The following ANGPT1 variants were observed in gnomAD, a reference collection of about 807,000 sequenced individuals.
ANGPT1 encodes the protein angiopoietin 1.
ANGPT1 carries 17 observed loss-of-function variants against 62.2 expected under a neutral mutation model. The ratio of observed to expected loss-of-function variants is 0.27; its 90% CI spans 0.19 to 0.41. The LOEUF (loss-of-function observed/expected upper bound fraction) is 0.41. Ranked by LOEUF, ANGPT1 falls within the 10% of genes least tolerant of loss-of-function variation. The pLI, the probability that ANGPT1 is intolerant of heterozygous loss-of-function variation, is 1.00. For missense variants in ANGPT1, 478 were observed against 594.9 expected, an observed-to-expected ratio of 0.80 and a Z score of 2.04; for synonymous variants, 199 against 198.9, an observed-to-expected ratio of 1.00 and a Z score of 0.00.
At chr8:107,366,929 T>C (rs1028129027) in intron 1 of ANGPT1, among the ~76,000 whole-genome samples, 3 of 152,084 alleles carry the variant, frequency 2.0e-5, no homozygotes, top group African/African-American at 4.8e-5. Flanking sequence ...GGGAAAGTCA[T>C]ACTGTAAGAA....
chr8:107,431,002 G>T (rs1811170701), intron 1 of ANGPT1, among the ~76,000 whole-genome samples: 1 of 152,136 alleles, frequency 6.6e-6, no homozygotes, highest in Non-Finnish European at 1.5e-5. Flanking sequence ...AAACTTCCTG[G>T]ATTCAAAGCT....
At chr8:107,415,590 G>A (rs1424461001) in intron 1 of ANGPT1, among the ~76,000 whole-genome samples, 1 of 152,124 alleles carries the variant, frequency 6.6e-6, no homozygotes, top group Admixed American at 6.6e-5. Context: ...TGTAATTTAA[G>A]TCTGAAAATA....
chr8:107,331,181 ATACTG>A lies in ANGPT1; in HGVS notation c.575+4964_575+4968del, dbSNP rs1470940071. Among the ~76,000 whole-genome samples the A allele has an allele frequency of 3.9e-5, 6 of 152,252 alleles. No individual in the cohort carries two copies. The South Asian group carries it at 1.2e-3, about 32-fold the overall frequency. On this transcript the variant is annotated intron_variant, in intron 3 of 8. Transcript: ENST00000517746. Reference sequence around the variant, plus strand: ...TAGGCATATTAAGCATTAAATATCAATACTGTATTTTATTGCAATAATTAGTAAGG... The same window carrying A: ...TAGGCATATTAAGCATTAAATATCAATATTTTATTGCAATAATTAGTAAGG...
At chr8:107,288,019 G>A (rs1814183857) in intron 6 of ANGPT1, among the ~76,000 whole-genome samples, 1 of 152,146 alleles carries the variant, frequency 6.6e-6, no homozygotes, top group Non-Finnish European at 1.5e-5. Context: ...TGAGTCATAT[G>A]TGGGGAAACA....
At chr8:107,273,010 A>C (rs1029031818) in intron 7 of ANGPT1, among the ~76,000 whole-genome samples, 2 of 151,908 alleles carry the variant, frequency 1.3e-5, no homozygotes, top group Non-Finnish European at 2.9e-5. Context: ...TGATAGAGTC[A>C]GCTTCCAGTG....
chr8:107,333,409 C>A (rs1223110772), intron 3 of ANGPT1, among the ~76,000 whole-genome samples: 2 of 152,110 alleles, frequency 1.3e-5, no homozygotes, highest in Admixed American at 1.3e-4. Flanking sequence ...AAGATGCATG[C>A]AGGTTTTTGT....
At chr8:107,492,049 GT>G (rs140960967) in intron 1 of ANGPT1, among the ~76,000 whole-genome samples, 1 of 151,904 alleles carries the variant, frequency 6.6e-6, no homozygotes, top group Admixed American at 6.6e-5. Context: ...GTCTGAAAGG[GT>G]TTTTTTTGGA....
At chr8:107,364,292 A>AT (rs767090141) in intron 1 of ANGPT1, among the ~76,000 whole-genome samples, 13 of 152,038 alleles carry the variant, frequency 8.6e-5, no homozygotes, top group East Asian at 7.7e-4. Context: ...TATTACTACG[A>AT]TTTTTTGAGA....
At chr8:107,408,731 T>C (rs1159107967) in intron 1 of ANGPT1, among the ~76,000 whole-genome samples, 1 of 152,228 alleles carries the variant, frequency 6.6e-6, no homozygotes, top group Non-Finnish European at 1.5e-5. Context: ...TGAACTTTCA[T>C]GTTTTATAGA....
intron 5 of ANGPT1, among the ~76,000 whole-genome samples, chr8:107,302,813 G>A (rs1417928253): frequency 6.6e-6 from 1 of 151,818 alleles, no homozygotes; most frequent in African/African-American, 2.4e-5. Context: ...ATCCTAACAG[G>A]AGCAATAACT....
chr8:107,485,627 A>T (rs1408646323), intron 1 of ANGPT1, among the ~76,000 whole-genome samples: 4 of 152,240 alleles, frequency 2.6e-5, no homozygotes, highest in African/African-American at 9.6e-5. Flanking sequence ...GATAAATAAA[A>T]TAGGAAGTGA....
intron 5 of ANGPT1, chr8:107,295,499 A>T (rs1814391648): frequency 6.6e-6 from 1 of 152,170 alleles, no homozygotes; most frequent in Non-Finnish European, 1.5e-5. Context: ...TATAAATAAA[A>T]TATGGGTCAG....
At chr8:107,398,546 A>C (rs1242383821) in intron 1 of ANGPT1, among the ~76,000 whole-genome samples, 11 of 146,446 alleles carry the variant, frequency 7.5e-5, no homozygotes, top group Non-Finnish European at 1.6e-4. Context: ...CTGTGAATCA[A>C]ATATTTTGTA....
chr8:107,279,799 A>G (rs1813957521), intron 7 of ANGPT1, among the ~76,000 whole-genome samples: 1 of 151,990 alleles, frequency 6.6e-6, no homozygotes, highest in Admixed American at 6.6e-5. Context: ...AGCACAAGTT[A>G]AAGATAGTTA....
chr8:107,493,334 A>G (rs919711352), intron 1 of ANGPT1, among the ~76,000 whole-genome samples: 6 of 150,410 alleles, frequency 4.0e-5, no homozygotes, highest in Non-Finnish European at 8.9e-5. Context: ...ACATTTGAGA[A>G]CTCAGCCTGG....
chr8:107,409,211 T>C (rs1196589800), intron 1 of ANGPT1, among the ~76,000 whole-genome samples: 2 of 152,196 alleles, frequency 1.3e-5, no homozygotes, highest in Non-Finnish European at 2.9e-5. Context: ...AGGCTTTCCT[T>C]CTAACTGTTA....
intron 1 of ANGPT1, among the ~76,000 whole-genome samples, chr8:107,463,056 A>G (rs1339055286): frequency 2.0e-5 from 3 of 152,172 alleles, no homozygotes; most frequent in Non-Finnish European, 2.9e-5. Context: ...ACTCTAATCA[A>G]TAAACTGGTA....
rs554776916 is a variant in ANGPT1 at position 107,362,996 on chromosome 8, C to T, written c.298-15899G>A. 1.2e-4 allele frequency among the ~76,000 whole-genome samples: 19 copies of T among 152,178 alleles called. No individual in the cohort carries two copies. The South Asian group carries it at 3.9e-3, about 32-fold the overall frequency. On this transcript the variant is annotated intron_variant, in intron 1 of 8. Coordinates refer to ENST00000517746, the MANE Select transcript of ANGPT1 (RefSeq NM_001146.5). ...TGGGGGAAATGTCTTGGTGAATTCC[C>T]ACAGGCAGGTAGAATGTTGCGGCAT...
intron 7 of ANGPT1, among the ~76,000 whole-genome samples, chr8:107,283,600 C>G (rs72672508): frequency 0.072 from 10,900 of 152,064 alleles, 560 homozygotes; most frequent in Non-Finnish European, 0.1. Flanking sequence ...GATAACCACA[C>G]AGGTTGAAAC....
Sources: allele counts gnomAD v4.1 joint callset (sites outside exome capture counted in the v4.1 genomes callset), GRCh38; gene constraint gnomAD v4.1.1; transcripts MANE v1.5; gene names NCBI Gene and HGNC (gene_info 2026-07-23, HGNC 2026-07-21).